STK11: variants seen among roughly 807,000 people sequenced by gnomAD.
STK11 encodes the protein serine/threonine kinase 11.
A neutral mutation model predicts 47.3 loss-of-function variants in STK11; 8 were observed. The ratio of observed to expected loss-of-function variants is 0.17; its 90% CI spans 0.10 to 0.31. The LOEUF is 0.31. Among genes scored for constraint, STK11 ranks in the 10% least tolerant of loss-of-function variants. STK11 has a pLI of 1.00. For synonymous variants in STK11, 330 were observed against 255.8 expected (o/e 1.29, Z -2.77); for missense variants, 475 against 605.0 (o/e 0.79, Z 2.25).
At chr19:1,219,524 C>T in intron 3 of STK11, 111 bp downstream of exon 3, 1 of 1,236,342 alleles carries the variant, frequency 8.1e-7, no homozygotes. Flanking sequence ...ACATGAAGGC[C>T]CAAGTTTTTT....
rs730881971 is a variant in STK11, at chr19:1,219,414, G to A, written c.464+1G>A. The stretch of plus-strand genomic sequence containing the variant: ...GTTTCCCAGTGTGCCAGGCCCACGG[G>A]TGCGTGCGCGGGGCAGGGGCCAGGG... On this transcript the variant is annotated splice_donor_variant, in intron 3 of 9. Transcript: ENST00000326873. LOFTEE classifies it high-confidence loss of function. 6.3e-7 allele frequency: 1 copy of A among 1,579,958 alleles called. No homozygotes were observed. The highest frequency in any genetic ancestry group is 8.6e-7 in the Non-Finnish European group (1 of 1,164,140).
At chr19:1,213,227 G>A (rs973246060) in intron 1 of STK11, among the ~76,000 whole-genome samples, 4 of 150,074 alleles carry the variant, frequency 2.7e-5, no homozygotes, top group Non-Finnish European at 5.9e-5. Context: ...TCGATCTCCT[G>A]ACCTCGTGAT....
chr19:1,206,029 C>T lies in STK11; in HGVS notation c.-885C>T, dbSNP rs1172474387. On this transcript the variant is annotated 5_prime_UTR_variant, in exon 1 of 10. Coordinates refer to ENST00000326873, the MANE Select transcript of STK11 (RefSeq NM_000455.5). Reference sequence around the variant, plus strand: ...CCGGAGCCTGCGGCCTGCGCCGCCTCGGCCGCCGGGAGCCCCGTGGAGCCC... The same window carrying T: ...CCGGAGCCTGCGGCCTGCGCCGCCTTGGCCGCCGGGAGCCCCGTGGAGCCC... The T allele has an allele frequency of 1.4e-5, 2 of 145,590 alleles. No homozygotes were observed. The highest frequency in any genetic ancestry group is 2.5e-5 in the African/African-American group (1 of 40,516). 9.0% of individuals were successfully genotyped at this position (145,590 alleles called of 1,614,324 possible).
At chr19:1,211,278 T>C (rs1181009218) in intron 1 of STK11, among the ~76,000 whole-genome samples, 1 of 152,144 alleles carries the variant, frequency 6.6e-6, no homozygotes, top group African/African-American at 2.4e-5. Flanking sequence ...AGAGCGAAAT[T>C]GTGTCTCAAA....
intron 1 of STK11, 22 bp from the exon 2 acceptor site, chr19:1,218,395 A>G: frequency 6.2e-7 from 1 of 1,603,076 alleles, no homozygotes; most frequent in East Asian, 2.2e-5. Flanking sequence ...CGGCTGATAC[A>G]CCCCTGTCCT....
At chr19:1,207,353 G>T in intron 1 of STK11, 150 bp downstream of exon 1, 1 of 1,162,776 alleles carries the variant, frequency 8.6e-7, no homozygotes, top group Non-Finnish European at 1.2e-6. Context: ...CCGTGCCAGG[G>T]AGAGCGTGGT....
rs1403620180 is a variant in STK11 at position 1,206,199 on chromosome 19, T to A, written c.-715T>A. ...GCGGGCCGGCTCGGGGGGCGCCCAG[T>A]GCGGGCCCTCGCGGGCGCCGGGCAG... On this transcript the variant is annotated 5_prime_UTR_variant, in exon 1 of 10. Coordinates refer to ENST00000326873, the MANE Select transcript of STK11 (RefSeq NM_000455.5). 1 of 167,900 alleles carries A rather than the reference T, an allele frequency of 6.0e-6. No homozygotes were observed. The highest frequency in any genetic ancestry group is 1.3e-5 in the Non-Finnish European group (1 of 78,002). The allele number at this position is 167,900 out of a possible 1,614,324, so 10.4% of individuals were successfully genotyped here. A position where few individuals can be genotyped will look rare whatever the true frequency, so the allele number is the denominator to read the frequency against.
intron 6 of STK11, 45 bp from the exon 7 acceptor site, chr19:1,221,904 C>T (rs1019516553): frequency 1.9e-6 from 3 of 1,548,340 alleles, no homozygotes; most frequent in Non-Finnish European, 2.6e-6. Context: ...GGTGGGGTCT[C>T]AGGCCTGTGC....
intron 2 of STK11, 43 bp downstream of exon 2, chr19:1,218,543 G>T: frequency 6.4e-7 from 1 of 1,573,526 alleles, no homozygotes; most frequent in Non-Finnish European, 8.7e-7. Flanking sequence ...CCGTGGGAGG[G>T]GCTGGGGCCC....
chr19:1,226,565 A>C lies in STK11; in HGVS notation c.1220A>C (p.Glu407Ala), dbSNP rs556083961. 1 of 1,591,966 alleles carries C rather than the reference A, an allele frequency of 6.3e-7. No individual in the cohort carries two copies. Among genetic ancestry groups the C allele is most frequent in the African/African-American group, 1.3e-5 (1 of 74,544 alleles). ...CAGCTGAGCACCAAATCCAGGGCGG[A>C]GGGCCGGGCCCCCAACCCTGCCCGC... The part of the protein sequence containing the change: ...AAQLSTKSRA[E>A]GRAPNPARKA... The change falls in exon 9 of 10, where the codon GAG becomes GCG. Residue 407 changes from glutamate to alanine, a missense_variant. Glu to Ala is a moderately radical substitution (Grantham distance 107). Transcript: ENST00000326873.
intron 8 of STK11, chr19:1,225,654 G>A (rs2080815638): frequency 2.0e-6 from 2 of 985,508 alleles, no homozygotes; most frequent in Non-Finnish European, 2.4e-6. Context: ...TCAGCCACTG[G>A]TCCATTCTCG....
rs1057521545 is a variant in STK11, at chr19:1,223,184, G to A, written c.1108+12G>A. On this transcript the variant is annotated intron_variant, in intron 8 of 9. Transcript: ENST00000326873. The stretch of plus-strand genomic sequence containing the variant: ...CTTCACGGTGCCCGGTGAGTCTGGC[G>A]GGGGCCCCTGCCCGGCTCTGCTGAC... The A allele has an allele frequency of 3.1e-6, 5 of 1,604,946 alleles. No individual in the cohort carries two copies. The highest frequency in any genetic ancestry group is 2.2e-5 in the East Asian group (1 of 44,598).
chr19:1,224,759 G>A (rs974683772), intron 8 of STK11: 8 of 985,730 alleles, frequency 8.1e-6, no homozygotes, highest in Non-Finnish European at 8.4e-6. Context: ...ACTGTGGGTG[G>A]TGAGGAGGAG....
At position 1,227,996 on chromosome 19, in the gene STK11, C is replaced by T; in HGVS notation, c.*420C>T. On this transcript the variant is annotated 3_prime_UTR_variant, in exon 10 of 10. Transcript: ENST00000326873. ...GCTCCTGACCCCGCCATGCATGCAG[C>T]GCCACCTGGAAGCCGCGCGGCCGCT... 1 of 1,068,072 alleles carries T rather than the reference C, an allele frequency of 9.4e-7. No individual in the cohort carries two copies. The highest frequency in any genetic ancestry group is 1.1e-6 in the Non-Finnish European group (1 of 881,044). 66.2% of individuals were successfully genotyped at this position (1,068,072 alleles called of 1,614,324 possible). A position where few individuals can be genotyped will look rare whatever the true frequency, so the allele number is the denominator to read the frequency against.
At chr19:1,221,535 T>G in intron 6 of STK11, 195 bp downstream of exon 6, 1 of 876,850 alleles carries the variant, frequency 1.1e-6, no homozygotes, top group South Asian at 1.9e-5. Context: ...TTCTGGGCCC[T>G]GTTCACCCTC....
chr19:1,213,937 G>A (rs990987532), intron 1 of STK11, among the ~76,000 whole-genome samples: 18 of 152,222 alleles, frequency 1.2e-4, no homozygotes, highest in African/African-American at 4.3e-4. Flanking sequence ...GCAGACGGAG[G>A]CTCCTAGCCC....
At position 1,221,485 on chromosome 19, in the gene STK11, C is replaced by G. The variant is rs741764; in HGVS notation, c.862+145C>G. On this transcript the variant is annotated intron_variant, in intron 6 of 9. Transcript: ENST00000326873. ...GACTGAGTGGAGAGGCCGACCTCCC[C>G]GCAGGGCCTGGTTTGCCAGGTCCCT... 10 of 1,297,582 alleles carry G rather than the reference C, an allele frequency of 7.7e-6. No individual in the cohort carries two copies. In the African/African-American group the frequency reaches 1.3e-4, roughly 17 times the overall value. The allele number at this position is 1,297,582 out of a possible 1,614,324, so 80.4% of individuals were successfully genotyped here.
chr19:1,212,750 T>C (rs1425198947), intron 1 of STK11, among the ~76,000 whole-genome samples: 1 of 152,002 alleles, frequency 6.6e-6, no homozygotes, highest in East Asian at 1.9e-4. Context: ...TTCACCGTGT[T>C]AGCCAGTATG....
chr19:1,220,225 C>G lies in STK11; in HGVS notation c.465-148C>G, dbSNP rs768523963. ...GCGCAGGTGTGGCTCCCTGCTGGAC[C>G]TAGCCTTTCCTCTGTCCTGTGTGCC... is the stretch of plus-strand genomic sequence containing the variant. On this transcript the variant is annotated intron_variant, in intron 3 of 9. Coordinates refer to ENST00000326873, the MANE Select transcript of STK11 (RefSeq NM_000455.5). 4.5e-6 allele frequency: 5 copies of G among 1,113,210 alleles called. No homozygotes were observed. In the Admixed American group the frequency reaches 1.3e-4, roughly 29 times the overall value. The allele number at this position is 1,113,210 out of a possible 1,614,324, so 69.0% of individuals were successfully genotyped here.
Sources: gnomAD v4.1 joint callset for allele counts (sites outside exome capture counted in the v4.1 genomes callset) on GRCh38, gnomAD v4.1.1 for gene constraint, MANE v1.5 for transcripts, NCBI Gene and HGNC (gene_info 2026-07-23, HGNC 2026-07-21) for gene names.